Variants in PHACTR3 observed in about 807,000 individuals in gnomAD.
PHACTR3 encodes the protein phosphatase and actin regulator 3.
Under a neutral mutation model 66.8 loss-of-function variants are expected in PHACTR3, and 16 were observed. The observed-to-expected ratio is 0.24, with a 90% CI of 0.16 to 0.36. The LOEUF is 0.36. Ranked by LOEUF, PHACTR3 falls within the 10% of genes least tolerant of loss-of-function variation. PHACTR3 has a pLI of 1.00. For missense variants in PHACTR3, 647 were observed against 719.9 expected (o/e 0.90, Z 1.16); for synonymous variants, 323 against 292.1 (o/e 1.11, Z -1.08).
chr20:59,743,589 G>A (rs138923483), intron 2 of PHACTR3, among the ~76,000 whole-genome samples: 32 of 152,330 alleles, frequency 2.1e-4, no homozygotes, highest in African/African-American at 7.0e-4. Context: ...GGGTTGGGCC[G>A]AGACACTGGC....
At chr20:59,823,578 CTTAAG>C (rs1568858113) in intron 8 of PHACTR3, among the ~76,000 whole-genome samples, 1 of 152,220 alleles carries the variant, frequency 6.6e-6, no homozygotes, top group Non-Finnish European at 1.5e-5. Flanking sequence ...GATCTACCAA[CTTAAG>C]TTATTTTTGC....
At chr20:59,842,345 T>A (rs753848049) in intron 11 of PHACTR3, among the ~76,000 whole-genome samples, 2 of 152,218 alleles carry the variant, frequency 1.3e-5, no homozygotes, top group Non-Finnish European at 2.9e-5. Flanking sequence ...TCTTCATTCT[T>A]CATATGCTGA....
At chr20:59,630,698 G>A (rs541408891) in intron 1 of PHACTR3, among the ~76,000 whole-genome samples, 34 of 152,240 alleles carry the variant, frequency 2.2e-4, no homozygotes, top group Admixed American at 6.5e-4. Context: ...TGGGGTGGGC[G>A]GTTACCTGGC....
chr20:59,623,114 T>A (rs537592134), intron 1 of PHACTR3, among the ~76,000 whole-genome samples: 3 of 151,896 alleles, frequency 2.0e-5, no homozygotes, highest in African/African-American at 7.2e-5. Context: ...AAATGTTTTT[T>A]TGTGGGAGGC....
chr20:59,644,096 T>C (rs562705634), intron 1 of PHACTR3, among the ~76,000 whole-genome samples: 1 of 152,244 alleles, frequency 6.6e-6, no homozygotes, highest in East Asian at 1.9e-4. Flanking sequence ...CTAAAGGTTA[T>C]GGATGCAATG....
chr20:59,742,304 T>A (rs1274402031), intron 1 of PHACTR3, among the ~76,000 whole-genome samples: 1 of 152,234 alleles, frequency 6.6e-6, no homozygotes, highest in Non-Finnish European at 1.5e-5. Flanking sequence ...AGTCCCCCTG[T>A]GGACGGGTAT....
At chr20:59,765,869 T>C (rs1341437156) in intron 4 of PHACTR3, among the ~76,000 whole-genome samples, 1 of 152,156 alleles carries the variant, frequency 6.6e-6, no homozygotes, top group Non-Finnish European at 1.5e-5. Flanking sequence ...GGCTTTTCCC[T>C]TAGACATACA....
At chr20:59,664,106 C>G (rs143750900) in intron 1 of PHACTR3, among the ~76,000 whole-genome samples, 1 of 152,124 alleles carries the variant, frequency 6.6e-6, no homozygotes, top group East Asian at 1.9e-4. Flanking sequence ...TAAGGATAGT[C>G]TTTATTTAGT....
intron 1 of PHACTR3, among the ~76,000 whole-genome samples, chr20:59,594,469 A>G (rs2033270164): frequency 6.6e-6 from 1 of 152,238 alleles, no homozygotes. Context: ...GAACTTGAAC[A>G]ATGTTGAACA....
At chr20:59,668,395 C>T (rs773032440) in intron 1 of PHACTR3, among the ~76,000 whole-genome samples, 4 of 152,158 alleles carry the variant, frequency 2.6e-5, no homozygotes, top group Non-Finnish European at 4.4e-5. Context: ...TAGAGGTGGA[C>T]ATGTACACCT....
intron 7 of PHACTR3, among the ~76,000 whole-genome samples, chr20:59,801,577 C>T (rs142311835): frequency 5.2e-4 from 79 of 152,338 alleles, no homozygotes; most frequent in Non-Finnish European, 8.7e-4. Context: ...TCAGCTCAGA[C>T]GCTACTTCCT....
At chr20:59,825,665 G>A (rs571138498) in intron 8 of PHACTR3, among the ~76,000 whole-genome samples, 42 of 152,270 alleles carry the variant, frequency 2.8e-4, no homozygotes, top group African/African-American at 8.9e-4. Context: ...TGGAGGAGTC[G>A]GGGTGGGCTT....
intron 7 of PHACTR3, among the ~76,000 whole-genome samples, chr20:59,778,836 T>C (rs1472353320): frequency 2.0e-5 from 3 of 152,168 alleles, no homozygotes; most frequent in African/African-American, 7.2e-5. Flanking sequence ...CCTCTTGTTA[T>C]TTGTTCTCGA....
chr20:59,603,010 AG>A (rs779935846), upstream of PHACTR3, among the ~76,000 whole-genome samples: 1 of 152,182 alleles, frequency 6.6e-6, no homozygotes, highest in Non-Finnish European at 1.5e-5. Context: ...CTCACCTACC[AG>A]GGCAGTTGTA....
chr20:59,632,684 T>C (rs1188385496), intron 1 of PHACTR3, among the ~76,000 whole-genome samples: 3 of 152,228 alleles, frequency 2.0e-5, no homozygotes, highest in African/African-American at 7.2e-5. Context: ...CAGCTTTGAT[T>C]GGGCTTCTGC....
intron 3 of PHACTR3, among the ~76,000 whole-genome samples, chr20:59,752,420 C>T (rs1159742918): frequency 6.6e-6 from 1 of 152,118 alleles, no homozygotes; most frequent in Non-Finnish European, 1.5e-5. Context: ...AGGAGCAGGG[C>T]CTGGGCTCCC....
At chr20:59,726,801 C>T (rs112725985) in intron 1 of PHACTR3, among the ~76,000 whole-genome samples, 2,930 of 152,146 alleles carry the variant, frequency 0.019, 50 homozygotes, top group Middle Eastern at 0.065. Context: ...CCGGACTTTG[C>T]ATATTTTCCA....
At chr20:59,644,231 G>T (rs1450681200) in intron 1 of PHACTR3, among the ~76,000 whole-genome samples, 1 of 152,178 alleles carries the variant, frequency 6.6e-6, no homozygotes, top group East Asian at 1.9e-4. Flanking sequence ...CCCTCACAGA[G>T]CTATGGTGAT....
At chr20:59,593,045 G>T (rs2033230623) in intron 1 of PHACTR3, among the ~76,000 whole-genome samples, 2 of 152,342 alleles carry the variant, frequency 1.3e-5, no homozygotes, top group South Asian at 2.1e-4. Flanking sequence ...TGTGGTAAGA[G>T]AATTTTTAGT....
Sources: gnomAD v4.1 joint callset for allele counts (sites outside exome capture counted in the v4.1 genomes callset) on GRCh38, gnomAD v4.1.1 for gene constraint, MANE v1.5 for transcripts, NCBI Gene and HGNC (gene_info 2026-07-23, HGNC 2026-07-21) for gene names.